KCNN2: variants seen among roughly 807,000 people sequenced by gnomAD.
KCNN2 encodes the protein potassium calcium-activated channel subfamily N member 2.
A neutral mutation model predicts 55.5 loss-of-function variants in KCNN2; 24 were observed. That is an observed-to-expected ratio of 0.43 (90% confidence interval 0.31 to 0.61). KCNN2 has a LOEUF of 0.61. KCNN2 is among the 20% of genes least tolerant of loss of function. The pLI is 0.08. For missense variants in KCNN2, 754 were observed against 853.6 expected (o/e 0.88, Z 1.45); for synonymous variants, 431 against 336.1 (o/e 1.28, Z -3.09).
At chr5:114,199,660 T>G (rs1753631260) in intron 1 of KCNN2, among the ~76,000 whole-genome samples, 1 of 152,046 alleles carries the variant, frequency 6.6e-6, no homozygotes, top group South Asian at 2.1e-4. Context: ...TTCATTCCCA[T>G]GTTTGAGACT....
At chr5:114,386,081 C>G (rs1390276034) in intron 2 of KCNN2, among the ~76,000 whole-genome samples, 1 of 150,286 alleles carries the variant, frequency 6.7e-6, no homozygotes, top group Admixed American at 6.7e-5. Flanking sequence ...ACTCGGGAGG[C>G]TGAGGCAGAA....
At chr5:114,309,692 G>A (rs905986108) in intron 2 of KCNN2, among the ~76,000 whole-genome samples, 1 of 152,144 alleles carries the variant, frequency 6.6e-6, no homozygotes, top group African/African-American at 2.4e-5. Flanking sequence ...GGAAAGTGGG[G>A]AAGAACTAGC....
chr5:114,463,148 C>CACAT lies in KCNN2; in HGVS notation c.1740_1743dup (p.Cys582IlefsTer49). ...TTGGTTATGGTGACATGGTACCTAA[C>CACAT]ACATACTGTGGAAAAGGAGTCTGCT... On this transcript the variant is annotated frameshift_variant, in exon 4 of 8. Coordinates refer to ENST00000673685, the MANE Select transcript of KCNN2 (RefSeq NM_021614.4). LOFTEE classifies it high-confidence loss of function. The CACAT allele has an allele frequency of 6.2e-7, 1 of 1,613,314 alleles. No individual in the cohort carries two copies. Among genetic ancestry groups the CACAT allele is most frequent in the Non-Finnish European group, 8.5e-7 (1 of 1,179,410 alleles).
chr5:114,068,127 C>G (rs1322729736), intron 1 of KCNN2, among the ~76,000 whole-genome samples: 1 of 152,152 alleles, frequency 6.6e-6, no homozygotes, highest in African/African-American at 2.4e-5. Context: ...CCTCCTATAA[C>G]TAGAGTAGTT....
chr5:114,075,126 G>C (rs1432927863), intron 1 of KCNN2, among the ~76,000 whole-genome samples: 1 of 152,194 alleles, frequency 6.6e-6, no homozygotes, highest in Non-Finnish European at 1.5e-5. Context: ...CTGGCATAAA[G>C]CTCAGTTTAA....
chr5:114,145,946 G>C (rs1293839879), intron 1 of KCNN2, among the ~76,000 whole-genome samples: 1 of 152,020 alleles, frequency 6.6e-6, no homozygotes, highest in Admixed American at 6.6e-5. Context: ...TGTGCTAGTT[G>C]TTTCCTGCTG....
At chr5:114,229,302 A>T (rs1282954970) in intron 2 of KCNN2, among the ~76,000 whole-genome samples, 1 of 151,030 alleles carries the variant, frequency 6.6e-6, no homozygotes, top group Non-Finnish European at 1.5e-5. Flanking sequence ...TTTTTTTTTA[A>T]CATTTTCTTT....
chr5:114,073,479 A>G (rs1004416007), intron 1 of KCNN2, among the ~76,000 whole-genome samples: 2 of 152,086 alleles, frequency 1.3e-5, no homozygotes, highest in Admixed American at 1.3e-4. Flanking sequence ...TATTGTTGTA[A>G]TAATCTTTTT....
At chr5:114,347,633 C>T (rs999322775) in intron 2 of KCNN2, among the ~76,000 whole-genome samples, 3 of 152,172 alleles carry the variant, frequency 2.0e-5, no homozygotes, top group Admixed American at 2.0e-4. Context: ...TTGTTTTCTA[C>T]ACCTTTTTCC....
At chr5:114,183,537 A>G (rs1193970727) in intron 1 of KCNN2, among the ~76,000 whole-genome samples, 2 of 152,116 alleles carry the variant, frequency 1.3e-5, no homozygotes, top group East Asian at 3.8e-4. Flanking sequence ...AGATATACAA[A>G]TAGATTCTCT....
At chr5:114,385,004 A>G (rs978298527) in intron 2 of KCNN2, among the ~76,000 whole-genome samples, 3 of 152,302 alleles carry the variant, frequency 2.0e-5, no homozygotes, top group Non-Finnish European at 2.9e-5. Context: ...GTCCCTGTCT[A>G]AGAAAGTTTA....
At chr5:114,267,663 C>A (rs1004462224) in intron 2 of KCNN2, among the ~76,000 whole-genome samples, 2 of 151,944 alleles carry the variant, frequency 1.3e-5, no homozygotes, top group Admixed American at 6.6e-5. Flanking sequence ...ATTTTTGAGT[C>A]CCCTTTGTCC....
rs1443417192 is a variant in KCNN2 at position 114,294,158 on chromosome 5, A to G, written c.-184-66787A>G. ...CAAAAAAACAGCTCCTGGATGCATT[A>G]ATTTTTTGAAGGGTTTTTTGTGTCT... is the stretch of plus-strand genomic sequence containing the variant. On this transcript the variant is annotated intron_variant, in intron 2 of 10. Transcript: ENST00000512097. Among the ~76,000 whole-genome samples the G allele has an allele frequency of 3.3e-5, 5 of 151,880 alleles. 1 individual carries two copies. Among genetic ancestry groups the G allele is most frequent in the Non-Finnish European group, 4.4e-5 (3 of 67,986 alleles).
intron 6 of KCNN2, 190 bp from the exon 7 acceptor site, chr5:114,493,213 C>CT: frequency 7.4e-6 from 5 of 672,100 alleles, no homozygotes; most frequent in South Asian, 4.6e-5. Context: ...TCTCTCCTTT[C>CT]TTTTTTGCGG....
At chr5:114,129,087 C>A (rs1446661671) in intron 1 of KCNN2, among the ~76,000 whole-genome samples, 2 of 152,024 alleles carry the variant, frequency 1.3e-5, no homozygotes, top group Admixed American at 1.3e-4. Flanking sequence ...TGTTACCACC[C>A]CTAGATCTTA....
intron 2 of KCNN2, among the ~76,000 whole-genome samples, chr5:114,297,782 TTAA>T (rs1756059978): frequency 6.6e-6 from 1 of 152,198 alleles, no homozygotes; most frequent in African/African-American, 2.4e-5. Flanking sequence ...TATCAGAGTT[TTAA>T]TAACATGAAA....
chr5:114,280,229 A>G (rs1034130465), intron 2 of KCNN2, among the ~76,000 whole-genome samples: 1 of 151,856 alleles, frequency 6.6e-6, no homozygotes, highest in African/African-American at 2.4e-5. Flanking sequence ...GATTGTAAAA[A>G]TTTTCTCCTA....
At chr5:114,296,473 G>C (rs1014582023) in intron 2 of KCNN2, among the ~76,000 whole-genome samples, 5 of 152,232 alleles carry the variant, frequency 3.3e-5, no homozygotes, top group African/African-American at 1.2e-4. Context: ...TCTCATTGCT[G>C]AGGCTTAATT....
intron 1 of KCNN2, among the ~76,000 whole-genome samples, chr5:114,106,796 A>T (rs1019006832): frequency 6.6e-6 from 1 of 151,934 alleles, no homozygotes; most frequent in Non-Finnish European, 1.5e-5. Flanking sequence ...TCTATCAGCT[A>T]TATGTATTGA....
Sources: allele counts gnomAD v4.1 joint callset (sites outside exome capture counted in the v4.1 genomes callset), GRCh38; gene constraint gnomAD v4.1.1; transcripts MANE v1.5; gene names NCBI Gene and HGNC (gene_info 2026-07-23, HGNC 2026-07-21).